TMC1: variants seen among roughly 807,000 people sequenced by gnomAD.
The protein encoded by TMC1 is transmembrane channel-like protein 1.
A neutral mutation model predicts 105.8 loss-of-function variants in TMC1; 84 were observed. That is an observed-to-expected ratio of 0.79 (90% CI 0.67 to 0.95). The LOEUF (loss-of-function observed/expected upper bound fraction) is 0.95, where lower values mean the gene tolerates loss of function less well. Among genes scored for constraint, TMC1 ranks in the 40% least tolerant of loss-of-function variants. The probability of loss-of-function intolerance (pLI) is 0.00; values close to 1 mark genes in which losing one functional copy is unlikely to be tolerated. For synonymous variants in TMC1, 315 were observed against 311.5 expected, an observed-to-expected ratio of 1.01 and a Z score of -0.12; for missense variants, 817 against 914.1, an observed-to-expected ratio of 0.89 and a Z score of 1.37.
At chr9:72,654,874 T>C (rs1397713987) in intron 5 of TMC1, among the ~76,000 whole-genome samples, 1 of 152,218 alleles carries the variant, frequency 6.6e-6, no homozygotes, top group Non-Finnish European at 1.5e-5. Flanking sequence ...TTAGTATTTT[T>C]TTGTAGTACA....
At position 72,754,871 on chromosome 9, in the gene TMC1, T is replaced by C; in HGVS notation, c.728T>C (p.Leu243Ser). 6.2e-7 allele frequency: 1 copy of C among 1,613,750 alleles called. No individual in the cohort carries two copies. The highest frequency in any genetic ancestry group is 1.1e-5 in the South Asian group (1 of 91,064). The change falls in exon 12 of 24, where the codon TTG becomes TCG. Residue 243 changes from leucine to serine, a missense_variant. Leu to Ser is a moderately radical substitution (Grantham distance 145). Transcript: ENST00000297784. Reference protein sequence around the residue: ...EEASAANFGVLYDFNGLAQYS... With the variant: ...EEASAANFGVSYDFNGLAQYS... ...GCATCGGCAGCAAACTTTGGTGTGT[T>C]GTACGACTTCAATGTAAGTGTCTCC...
intron 2 of TMC1, among the ~76,000 whole-genome samples, chr9:72,608,531 A>G (rs1824963566): frequency 6.6e-6 from 1 of 151,888 alleles, no homozygotes; most frequent in Non-Finnish European, 1.5e-5. Context: ...ACATGATGAA[A>G]CCCCATCTCT....
intron 13 of TMC1, among the ~76,000 whole-genome samples, chr9:72,779,921 A>G (rs1828065410): frequency 6.6e-6 from 1 of 152,176 alleles, no homozygotes; most frequent in Admixed American, 6.5e-5. Flanking sequence ...GAACCCCTGC[A>G]AGATCCTATA....
rs545150359 is a variant in TMC1, at chr9:72,583,602, C to T, written c.-306+5579C>T. On this transcript the variant is annotated intron_variant, in intron 2 of 23. Transcript: ENST00000297784. ...AGGAAGTGCCAGGAAAATTTTGCTT[C>T]CCTCAAGCAATGGCATGTTTTCTTT... 4.6e-5 allele frequency among the ~76,000 whole-genome samples: 7 copies of T among 152,332 alleles called. No individual in the cohort carries two copies. In the East Asian group the frequency reaches 1.2e-3, roughly 25 times the overall value.
chr9:72,607,383 G>A (rs911611133), intron 2 of TMC1, among the ~76,000 whole-genome samples: 2 of 152,114 alleles, frequency 1.3e-5, no homozygotes, highest in African/African-American at 4.8e-5. Flanking sequence ...ACTTTGGGAG[G>A]CCGAGGTGGG....
Position 72,620,233 on chromosome 9 carries a change from T to C in TMC1, c.-196+3756T>C, listed in dbSNP as rs145007557. ...ATGTCAAAAGTACAAAATGTGGTTA[T>C]GTTTTAAAAATTAGATTATTATTAT... On this transcript the variant is annotated intron_variant, in intron 3 of 23. Transcript: ENST00000297784. Among the ~76,000 whole-genome samples the C allele has an allele frequency of 2.7e-3, 416 of 152,138 alleles. 1 individual carries two copies. The highest frequency in any genetic ancestry group is 9.4e-3 in the African/African-American group (390 of 41,494).
At chr9:72,662,290 G>A (rs1038198977) in intron 5 of TMC1, among the ~76,000 whole-genome samples, 4 of 150,822 alleles carry the variant, frequency 2.7e-5, no homozygotes, top group African/African-American at 7.3e-5. Flanking sequence ...CGGTCCAAGC[G>A]ATTCTCCTGC....
At chr9:72,718,223 G>T (rs978036922) in intron 8 of TMC1, among the ~76,000 whole-genome samples, 1 of 151,876 alleles carries the variant, frequency 6.6e-6, no homozygotes, top group Admixed American at 6.6e-5. Context: ...ATTTCATATT[G>T]GTTTGGATCC....
At chr9:72,723,687 T>C (rs1050293680) in intron 8 of TMC1, among the ~76,000 whole-genome samples, 1 of 152,234 alleles carries the variant, frequency 6.6e-6, no homozygotes, top group Admixed American at 6.5e-5. Context: ...TTGTTTTTTT[T>C]CCTTGGGATT....
chr9:72,647,141 C>CAAAA (rs1196322492), intron 4 of TMC1, among the ~76,000 whole-genome samples: 1 of 55,980 alleles, frequency 1.8e-5, no homozygotes, highest in African/African-American at 6.0e-5. Flanking sequence ...GACTCCATCT[C>CAAAA]AAAAAAAAAA....
intron 5 of TMC1, among the ~76,000 whole-genome samples, chr9:72,680,459 T>C (rs1826268030): frequency 1.3e-5 from 2 of 152,064 alleles, no homozygotes; most frequent in African/African-American, 2.4e-5. Flanking sequence ...TGTGATTTTC[T>C]CCTAACAGCT....
chr9:72,765,243 C>T, intron 12 of TMC1, among the ~76,000 whole-genome samples: 1 of 152,076 alleles, frequency 6.6e-6, no homozygotes, highest in Non-Finnish European at 1.5e-5. Flanking sequence ...TAATTCTTTC[C>T]CAGTTTACCA....
At chr9:72,670,312 G>T (rs188055278) in intron 5 of TMC1, among the ~76,000 whole-genome samples, 99 of 152,174 alleles carry the variant, frequency 6.5e-4, no homozygotes, top group Non-Finnish European at 1.2e-3. Context: ...ACTTAGAAGG[G>T]TTTTGCTTCA....
chr9:72,789,410 C>T (rs965527642), intron 15 of TMC1, 93 bp downstream of exon 15: 47 of 1,236,960 alleles, frequency 3.8e-5, no homozygotes, highest in Middle Eastern at 1.9e-4. Context: ...AAAAGGCCAC[C>T]CTTTACCTAT....
chr9:72,694,729 A>C lies in TMC1; in HGVS notation c.236+15A>C, dbSNP rs1826521375. On this transcript the variant is annotated intron_variant, in intron 7 of 23. Transcript: ENST00000297784. ...AAGAGAGGAGCGTAAGTTAGTTCTG[A>C]TATTCTTTCAAAAGTTCCAATGCTG... 1.9e-6 allele frequency: 3 copies of C among 1,596,250 alleles called. No individual in the cohort carries two copies. Among genetic ancestry groups the C allele is most frequent in the Non-Finnish European group, 2.6e-6 (3 of 1,170,726 alleles).
intron 1 of TMC1, among the ~76,000 whole-genome samples, chr9:72,544,027 C>T (rs1823723873): frequency 6.7e-6 from 1 of 148,788 alleles, no homozygotes; most frequent in South Asian, 2.1e-4. Context: ...TCTTGGCTCA[C>T]TGCAACCTCT....
intron 12 of TMC1, among the ~76,000 whole-genome samples, chr9:72,761,009 G>C (rs1170132983): frequency 1.3e-5 from 2 of 152,166 alleles, no homozygotes; most frequent in African/African-American, 4.8e-5. Context: ...GCTTTTCAAA[G>C]TCAGAATTTA....
chr9:72,624,488 G>A (rs1488770650), intron 3 of TMC1, among the ~76,000 whole-genome samples: 1 of 152,170 alleles, frequency 6.6e-6, no homozygotes, highest in Non-Finnish European at 1.5e-5. Context: ...TTAGAAGCCA[G>A]TGCATACTTA....
At chr9:72,603,423 C>T (rs1248065133) in intron 2 of TMC1, among the ~76,000 whole-genome samples, 3 of 146,230 alleles carry the variant, frequency 2.1e-5, no homozygotes, top group Non-Finnish European at 4.6e-5. Context: ...ACACACACAC[C>T]ACACTCCACA....
Sources: gnomAD v4.1 joint callset for allele counts (sites outside exome capture counted in the v4.1 genomes callset) on GRCh38, gnomAD v4.1.1 for gene constraint, MANE v1.5 for transcripts, NCBI Gene and HGNC (gene_info 2026-07-23, HGNC 2026-07-21) for gene names.